DPY19L1: variants seen among roughly 807,000 people sequenced by gnomAD.
DPY19L1 encodes dpy-19 like C-mannosyltransferase 1, also known as protein C-mannosyl-transferase DPY19L1.
Under a neutral mutation model 96.9 loss-of-function variants are expected in DPY19L1, and 35 were observed. The observed-to-expected ratio is 0.36, with a 90% CI of 0.28 to 0.48. The LOEUF (loss-of-function observed/expected upper bound fraction) is 0.48. Among genes scored for constraint, DPY19L1 ranks in the 20% least tolerant of loss-of-function variants. The probability of loss-of-function intolerance (pLI) is 0.99; values close to 1 mark genes in which losing one functional copy is unlikely to be tolerated. For missense variants in DPY19L1, 521 were observed against 777.9 expected, an observed-to-expected ratio of 0.67 and a Z score of 3.93; for synonymous variants, 205 against 252.6, an observed-to-expected ratio of 0.81 and a Z score of 1.79.
At chr7:34,959,468 T>A (rs531481957) in intron 10 of DPY19L1, among the ~76,000 whole-genome samples, 1 of 152,266 alleles carries the variant, frequency 6.6e-6, no homozygotes, top group East Asian at 1.9e-4. Flanking sequence ...CAAACCCAAA[T>A]GCCTGTCAAT....
chr7:35,031,822 TTTAGAG>T (rs1157353013), intron 1 of DPY19L1, among the ~76,000 whole-genome samples: 110 of 152,356 alleles, frequency 7.2e-4, no homozygotes, highest in African/African-American at 2.5e-3. Flanking sequence ...ATAAACATTC[TTTAGAG>T]TTAGCCAGAA....
intron 21 of DPY19L1, among the ~76,000 whole-genome samples, chr7:34,932,673 T>C (rs2062402245): frequency 1.3e-5 from 2 of 152,332 alleles, no homozygotes; most frequent in Admixed American, 1.3e-4. Flanking sequence ...TCTTTATAAA[T>C]TGGCATATGA....
At chr7:35,005,575 G>C (rs1785532807) in intron 6 of DPY19L1, among the ~76,000 whole-genome samples, 1 of 149,770 alleles carries the variant, frequency 6.7e-6, no homozygotes, top group South Asian at 2.1e-4. Context: ...GGGGTGGGTG[G>C]ATCACCTGAG....
At chr7:35,001,443 T>C (rs533532804) in intron 6 of DPY19L1, among the ~76,000 whole-genome samples, 1 of 152,332 alleles carries the variant, frequency 6.6e-6, no homozygotes, top group South Asian at 2.1e-4. Flanking sequence ...CACTACCTTA[T>C]TCCATTCTCA....
At chr7:34,959,280 T>A (rs781228604) in intron 10 of DPY19L1, among the ~76,000 whole-genome samples, 1 of 152,192 alleles carries the variant, frequency 6.6e-6, no homozygotes, top group Non-Finnish European at 1.5e-5. Context: ...TATAAATTAG[T>A]TCAACTATTG....
At chr7:34,995,260 A>G (rs181002018) in intron 6 of DPY19L1, among the ~76,000 whole-genome samples, 2 of 152,246 alleles carry the variant, frequency 1.3e-5, no homozygotes, top group Middle Eastern at 3.4e-3. Context: ...GAATACCTAA[A>G]ATTTTTAAAT....
intron 10 of DPY19L1, among the ~76,000 whole-genome samples, chr7:34,966,177 C>T (rs1229693533): frequency 6.6e-6 from 1 of 151,998 alleles, no homozygotes; most frequent in Non-Finnish European, 1.5e-5. Flanking sequence ...ACATAATTTA[C>T]CCATTTACTA....
chr7:35,013,445 A>C, intron 4 of DPY19L1, 123 bp downstream of exon 4: 2 of 721,394 alleles, frequency 2.8e-6, no homozygotes, highest in Non-Finnish European at 4.3e-6. Flanking sequence ...CAAGATACAT[A>C]TTTTCTTTTA....
Position 34,955,347 on chromosome 7 carries a change from T to C in DPY19L1, c.1200A>G (p.Pro400=). ...CAGATACATTTATTTTCAGGAAATG[T>C]GGTTTCATTGCCAGAATACCCTGAG... ...VIIWGILAMK[P]HFLKINVSEL... is the part of the protein sequence containing the mutation. The change falls in exon 12 of 22, where the codon CCA becomes CCG. Residue 400 remains proline, a synonymous_variant. Coordinates refer to ENST00000638088, the MANE Select transcript of DPY19L1 (RefSeq NM_001366673.1). 1 of 1,607,620 alleles carries C rather than the reference T, an allele frequency of 6.2e-7. No homozygotes were observed. Among genetic ancestry groups the C allele is most frequent in the Non-Finnish European group, 8.5e-7 (1 of 1,175,236 alleles).
At position 35,011,420 on chromosome 7, in the gene DPY19L1, T is replaced by C. The variant is rs1785709215; in HGVS notation, c.580A>G (p.Thr194Ala). Residue 194 changes from threonine to alanine, a missense_variant, in exon 5 of 22, where the codon ACC becomes GCC. Coordinates refer to ENST00000638088, the MANE Select transcript of DPY19L1 (RefSeq NM_001366673.1). The stretch of plus-strand genomic sequence containing the variant: ...ATACCAATCAAGTCCATTATTTTGG[T>C]ATAAATCCGGTACCAACTGGCCAAA... ...VILASWYRIY[T>A]KIMDLIGIQT... The C allele has an allele frequency of 6.2e-7, 1 of 1,612,164 alleles. No individual in the cohort carries two copies. The highest frequency in any genetic ancestry group is 8.5e-7 in the Non-Finnish European group (1 of 1,179,486).
intron 16 of DPY19L1, among the ~76,000 whole-genome samples, chr7:34,944,810 G>T (rs1292011539): frequency 2.0e-5 from 3 of 152,168 alleles, no homozygotes; most frequent in Non-Finnish European, 4.4e-5. Flanking sequence ...GGTGGAACCT[G>T]CAGGGCTAAA....
intron 6 of DPY19L1, among the ~76,000 whole-genome samples, chr7:35,002,249 A>T (rs1785445544): frequency 1.3e-5 from 2 of 152,048 alleles, no homozygotes; most frequent in Non-Finnish European, 2.9e-5. Context: ...GAGAATATTT[A>T]TTGAATCCAA....
At chr7:34,953,402 G>A (rs183275734) in intron 13 of DPY19L1, among the ~76,000 whole-genome samples, 109 of 152,238 alleles carry the variant, frequency 7.2e-4, no homozygotes, top group Admixed American at 2.0e-3. Context: ...CCCCCAGTGA[G>A]TAAAACAGAT....
chr7:34,945,404 C>T (rs532095459), intron 16 of DPY19L1, among the ~76,000 whole-genome samples: 2 of 152,138 alleles, frequency 1.3e-5, no homozygotes, highest in South Asian at 4.1e-4. Flanking sequence ...AAATGAAGTA[C>T]AAAACTGTGT....
chr7:34,933,059 G>C (rs545355305), intron 21 of DPY19L1, among the ~76,000 whole-genome samples: 143 of 152,078 alleles, frequency 9.4e-4, no homozygotes, highest in Non-Finnish European at 1.8e-3. Context: ...TTTAAGAAAT[G>C]AAAGTCACCA....
chr7:35,004,194 C>T (rs1295004911), intron 6 of DPY19L1, among the ~76,000 whole-genome samples: 2 of 152,224 alleles, frequency 1.3e-5, no homozygotes, highest in South Asian at 2.1e-4. Flanking sequence ...ACTCCAATAC[C>T]TGGCAGCTCA....
chr7:34,980,032 C>T (rs1784906972), intron 7 of DPY19L1, among the ~76,000 whole-genome samples: 2 of 152,180 alleles, frequency 1.3e-5, no homozygotes, highest in Non-Finnish European at 2.9e-5. Context: ...ATATTTAAGG[C>T]AGTGTGATAC....
intron 9 of DPY19L1, among the ~76,000 whole-genome samples, chr7:34,967,925 G>A (rs549179775): frequency 3.9e-5 from 6 of 152,198 alleles, no homozygotes; most frequent in African/African-American, 1.4e-4. Flanking sequence ...AACAACTGTG[G>A]GGAAGTGTGT....
chr7:34,968,630 T>C (rs1637681), intron 9 of DPY19L1, among the ~76,000 whole-genome samples: 37,771 of 151,232 alleles, frequency 0.25, 5,220 homozygotes, highest in Admixed American at 0.39. Flanking sequence ...ATTAGCTGGG[T>C]GTGGTGGCAC....
Sources: gnomAD v4.1 joint callset for allele counts (sites outside exome capture counted in the v4.1 genomes callset) on GRCh38, gnomAD v4.1.1 for gene constraint, MANE v1.5 for transcripts, NCBI Gene and HGNC (gene_info 2026-07-23, HGNC 2026-07-21) for gene names.